The following TTLL9 variants were observed in gnomAD, a reference collection of about 807,000 sequenced individuals.
TTLL9 encodes the protein probable tubulin polyglutamylase TTLL9.
TTLL9 carries 47 observed loss-of-function variants against 65.6 expected under a neutral mutation model. The ratio of observed to expected loss-of-function variants is 0.72; its 90% CI spans 0.57 to 0.91. TTLL9 has a LOEUF of 0.91. TTLL9 is among the 40% of genes least tolerant of loss of function. The pLI, the probability that TTLL9 is intolerant of heterozygous loss-of-function variation, is 0.00. For missense variants in TTLL9, 537 were observed against 568.8 expected (o/e 0.94, Z 0.57); for synonymous variants, 179 against 204.8 (o/e 0.87, Z 1.07).
At chr20:31,880,525 A>C (rs2063102627) in intron 2 of TTLL9, among the ~76,000 whole-genome samples, 1 of 149,016 alleles carries the variant, frequency 6.7e-6, no homozygotes, top group South Asian at 2.1e-4. Context: ...ACGGAGTCTC[A>C]CTGTGTCGCC....
chr20:31,875,723 A>G (rs559988494), intron 2 of TTLL9, among the ~76,000 whole-genome samples: 1 of 152,310 alleles, frequency 6.6e-6, no homozygotes, highest in South Asian at 2.1e-4. Context: ...TTGGGGAAAA[A>G]AATCTTAAAT....
intron 10 of TTLL9, among the ~76,000 whole-genome samples, chr20:31,933,213 G>A (rs550910533): frequency 2.6e-5 from 4 of 152,252 alleles, no homozygotes; most frequent in Admixed American, 6.5e-5. Context: ...TGGTGGTGAC[G>A]ATGGTGATGG....
At chr20:31,888,863 A>C (rs1416516585) in intron 3 of TTLL9, among the ~76,000 whole-genome samples, 2 of 152,010 alleles carry the variant, frequency 1.3e-5, no homozygotes, top group Non-Finnish European at 2.9e-5. Context: ...ACTAAGTGAA[A>C]ACTCACTTAT....
At chr20:31,918,607 C>G (rs1169666325) in intron 6 of TTLL9, among the ~76,000 whole-genome samples, 2 of 152,148 alleles carry the variant, frequency 1.3e-5, no homozygotes, top group East Asian at 3.8e-4. Flanking sequence ...TTGTCTCGAA[C>G]TCCTGAGCTT....
At chr20:31,929,618 T>C (rs1202108242) in intron 10 of TTLL9, among the ~76,000 whole-genome samples, 1 of 152,156 alleles carries the variant, frequency 6.6e-6, no homozygotes, top group Non-Finnish European at 1.5e-5. Context: ...AATGAAAATA[T>C]TCCACTGAGT....
intron 6 of TTLL9, among the ~76,000 whole-genome samples, chr20:31,916,838 A>G (rs968679535): frequency 1.3e-5 from 2 of 152,190 alleles, no homozygotes; most frequent in African/African-American, 4.8e-5. Context: ...AAGGAGAAAC[A>G]TCTTTCCTGG....
intron 3 of TTLL9, among the ~76,000 whole-genome samples, chr20:31,888,661 G>T (rs1348623647): frequency 6.6e-6 from 1 of 152,026 alleles, no homozygotes; most frequent in African/African-American, 2.4e-5. Context: ...AATTTATAAA[G>T]AAAAGAGGTG....
At chr20:31,928,584 T>C (rs1056731510) in intron 10 of TTLL9, among the ~76,000 whole-genome samples, 3 of 151,410 alleles carry the variant, frequency 2.0e-5, no homozygotes, top group Non-Finnish European at 4.4e-5. Flanking sequence ...ACAAAAATAT[T>C]CATTGAAACA....
rs763102088 is a variant in TTLL9, at chr20:31,895,122, C to T, written c.114-3351C>T. ...GTAGAACTGCAATCCAGGATGTCCA[C>T]ATAGACTAGGGCAGCCCCCAGCATG... On this transcript the variant is annotated intron_variant, in intron 3 of 14. Transcript: ENST00000535842. 1.2e-3 allele frequency among the ~76,000 whole-genome samples: 187 copies of T among 152,182 alleles called. 3 individuals are homozygous for T. The highest frequency in any genetic ancestry group is 3.7e-4 in the Non-Finnish European group (25 of 68,036).
In TTLL9 at chr20:31,873,793, A is replaced by AAAGG. The variant is rs869090935; in HGVS notation, c.69+2626_69+2629dup. On this transcript the variant is annotated intron_variant, in intron 2 of 14. Transcript: ENST00000535842. Reference sequence around the variant, plus strand: ...GAGAAAGAAAGAAAGAAAAAGAAAGAAAGGAAGGAAGGAAGGAAGGAAGGA... The same window carrying AAAGG: ...GAGAAAGAAAGAAAGAAAAAGAAAGAAAGGAAGGAAGGAAGGAAGGAAGGAAGGA... Among the ~76,000 whole-genome samples the AAAGG allele has an allele frequency of 9.9e-3, 1,258 of 127,448 alleles. 30 individuals are homozygous for AAAGG. Among genetic ancestry groups the AAAGG allele is most frequent in the East Asian group, 0.015 (63 of 4,272 alleles). 83.6% of individuals were successfully genotyped at this position (127,448 alleles called of 152,430 possible).
In TTLL9 at chr20:31,939,036, GGGAC is replaced by G. The variant is rs914525580; in HGVS notation, c.1119-101_1119-98del. The G allele has an allele frequency of 7.5e-6, 10 of 1,325,460 alleles. No homozygotes were observed. In the African/African-American group the frequency reaches 1.2e-4, roughly 16 times the overall value. The allele number at this position is 1,325,460 out of a possible 1,614,324, so 82.1% of individuals were successfully genotyped here. A position where few individuals can be genotyped will look rare whatever the true frequency, so the allele number is the denominator to read the frequency against. ...AATGGTTGGGAAAAAGGACTTCTGA[GGGAC>G]GGACATCAGTTGGGCTCAGGGAGAG... On this transcript the variant is annotated intron_variant, in intron 13 of 14. Coordinates refer to ENST00000535842, the MANE Select transcript of TTLL9 (RefSeq NM_001008409.5).
intron 10 of TTLL9, among the ~76,000 whole-genome samples, chr20:31,929,528 A>G (rs1304955534): frequency 6.6e-6 from 1 of 151,608 alleles, no homozygotes; most frequent in Admixed American, 6.6e-5. Context: ...TATATAAATG[A>G]TCCCATTGTA....
In TTLL9 at chr20:31,935,957, G is replaced by A. The variant is rs377059646; in HGVS notation, c.1004+1069G>A. ...TTCTGCAGGTCCAAGAGGACTGGCT[G>A]CACAGGACCACAGATGGCTACGTCA... On this transcript the variant is annotated intron_variant, in intron 12 of 14. Coordinates refer to ENST00000535842, the MANE Select transcript of TTLL9 (RefSeq NM_001008409.5). Among the ~76,000 whole-genome samples the A allele has an allele frequency of 7.0e-4, 107 of 152,332 alleles. 3 individuals are homozygous for A. In the South Asian group the frequency reaches 0.022, roughly 31 times the overall value.
chr20:31,927,062 C>A (rs962618218), intron 10 of TTLL9, among the ~76,000 whole-genome samples: 29 of 151,524 alleles, frequency 1.9e-4, no homozygotes, highest in African/African-American at 6.6e-4. Flanking sequence ...CTGCAGTGAG[C>A]TGTGATTTTG....
intron 4 of TTLL9, among the ~76,000 whole-genome samples, chr20:31,904,474 C>T (rs1207778261): frequency 6.6e-6 from 1 of 150,560 alleles, no homozygotes; most frequent in South Asian, 2.1e-4. Flanking sequence ...CCTGCCACCT[C>T]GGCCCCCTGA....
At chr20:31,907,377 C>T (rs1308579421) in intron 4 of TTLL9, among the ~76,000 whole-genome samples, 3 of 152,192 alleles carry the variant, frequency 2.0e-5, no homozygotes, top group South Asian at 2.1e-4. Flanking sequence ...TGACAAACAA[C>T]GCCATGTGCC....
intron 2 of TTLL9, among the ~76,000 whole-genome samples, chr20:31,886,524 A>G (rs1158028544): frequency 6.6e-6 from 1 of 152,206 alleles, no homozygotes; most frequent in Non-Finnish European, 1.5e-5. Context: ...AGTTAAGAGT[A>G]AAAAGTCCAG....
chr20:31,938,863 A>T (rs543297335), intron 13 of TTLL9, among the ~76,000 whole-genome samples: 69 of 152,226 alleles, frequency 4.5e-4, no homozygotes, highest in African/African-American at 1.6e-3. Flanking sequence ...GGTGACAGAG[A>T]GAGACTCTGT....
chr20:31,871,115 C>T lies in TTLL9; in HGVS notation c.-5-7C>T, dbSNP rs2062922275. On this transcript the variant is annotated splice_polypyrimidine_tract_variant and splice_region_variant and intron_variant, in intron 1 of 14. Coordinates refer to ENST00000535842, the MANE Select transcript of TTLL9 (RefSeq NM_001008409.5). ...CACTCCTTCCTTCCATCCATTTCGG[C>T]CCCTAGGAGGGATGGTGCCATCCAG... The T allele has an allele frequency of 6.2e-7, 1 of 1,613,786 alleles. No individual in the cohort carries two copies. Among genetic ancestry groups the T allele is most frequent in the African/African-American group, 1.3e-5 (1 of 75,028 alleles).
Sources: allele counts gnomAD v4.1 joint callset (sites outside exome capture counted in the v4.1 genomes callset), GRCh38; gene constraint gnomAD v4.1.1; transcripts MANE v1.5; gene names NCBI Gene and HGNC (gene_info 2026-07-23, HGNC 2026-07-21).